RAPH1: variants seen among roughly 807,000 people sequenced by gnomAD.
RAPH1 encodes the protein ras-associated and pleckstrin homology domains-containing protein 1.
A neutral mutation model predicts 88.1 loss-of-function variants in RAPH1; 18 were observed. The observed-to-expected ratio is 0.20, with a 90% confidence interval of 0.14 to 0.30. RAPH1 has a LOEUF of 0.30. Ranked by LOEUF, RAPH1 falls within the 10% of genes least tolerant of loss-of-function variation. The probability of loss-of-function intolerance (pLI) is 1.00; values close to 1 mark genes in which losing one functional copy is unlikely to be tolerated. For missense variants in RAPH1, 1,448 were observed against 1,543.2 expected, an observed-to-expected ratio of 0.94 and a Z score of 1.03; for synonymous variants, 587 against 559.0, an observed-to-expected ratio of 1.05 and a Z score of -0.71.
intron 12 of RAPH1, chr2:203,445,295 T>C: frequency 3.3e-6 from 1 of 301,484 alleles, no homozygotes; most frequent in East Asian, 6.1e-5. Flanking sequence ...CACCCAGTCT[T>C]GCATGAAATC....
rs1041340807 is a variant in RAPH1, at chr2:203,434,254, T to C, written c.*5183A>G. The C allele has an allele frequency of 6.6e-6, 1 of 152,352 alleles. No homozygotes were observed. The highest frequency in any genetic ancestry group is 2.4e-5 in the African/African-American group (1 of 41,208). 9.4% of individuals were successfully genotyped at this position (152,352 alleles called of 1,614,324 possible). A position where few individuals can be genotyped will look rare whatever the true frequency, so the allele number is the denominator to read the frequency against. Reference sequence around the variant, plus strand: ...GTACATTATAATGAAGTTCCTTGTCTTCTTCATGCTTTAAAAAAGTATACT... The same window carrying C: ...GTACATTATAATGAAGTTCCTTGTCCTCTTCATGCTTTAAAAAAGTATACT... On this transcript the variant is annotated 3_prime_UTR_variant, in exon 14 of 14. Transcript: ENST00000319170.
At chr2:203,526,054 C>T (rs1190898150) in intron 1 of RAPH1, among the ~76,000 whole-genome samples, 1 of 152,114 alleles carries the variant, frequency 6.6e-6, no homozygotes, top group Non-Finnish European at 1.5e-5. Context: ...TACTCAATTA[C>T]TAAGTTAAAT....
chr2:203,527,237 T>C (rs575371547), intron 1 of RAPH1, among the ~76,000 whole-genome samples: 2 of 152,158 alleles, frequency 1.3e-5, no homozygotes, highest in Non-Finnish European at 2.9e-5. Flanking sequence ...CACATGTATT[T>C]TATATATAAT....
intron 1 of RAPH1, among the ~76,000 whole-genome samples, chr2:203,519,534 T>A (rs563121074): frequency 6.6e-6 from 1 of 152,188 alleles, no homozygotes; most frequent in South Asian, 2.1e-4. Flanking sequence ...ACCCCACAAT[T>A]AACATAACAC....
Position 203,445,006 on chromosome 2 carries a change from A to C in RAPH1, c.1638T>G (p.Ser546=). The change falls in exon 13 of 14, where the codon TCT becomes TCG. Residue 546 remains serine (S), a synonymous_variant. Coordinates refer to ENST00000319170, the MANE Select transcript of RAPH1 (RefSeq NM_213589.3). ...CAGACTGATTGGAGTGGTTTGACTGAGACTCTGTTTAAAATAGTTTTTTAA... is the reference window on the plus strand; with the variant it reads ...CAGACTGATTGGAGTGGTTTGACTGCGACTCTGTTTAAAATAGTTTTTTAA... ...SGSSSSSIPE[S]QSNHSNQSDS... The C allele has an allele frequency of 6.2e-7, 1 of 1,611,864 alleles. No homozygotes were observed. The highest frequency in any genetic ancestry group is 8.5e-7 in the Non-Finnish European group (1 of 1,179,462).
chr2:203,517,172 A>C (rs1381959621), intron 1 of RAPH1, among the ~76,000 whole-genome samples: 1 of 152,080 alleles, frequency 6.6e-6, no homozygotes, highest in Non-Finnish European at 1.5e-5. Context: ...AGAGAAAAAT[A>C]TGCCATCCTA....
intron 4 of RAPH1, among the ~76,000 whole-genome samples, chr2:203,467,736 T>C (rs1268072654): frequency 3.3e-5 from 5 of 152,152 alleles, no homozygotes; most frequent in East Asian, 3.9e-4. Flanking sequence ...TCCCTATGTA[T>C]ACCAAGGAAT....
At chr2:203,459,751 C>T (rs1470816076) in intron 7 of RAPH1, among the ~76,000 whole-genome samples, 156 bp downstream of exon 7, 1 of 152,178 alleles carries the variant, frequency 6.6e-6, no homozygotes, top group African/African-American at 2.4e-5. Flanking sequence ...TCAGCAGCAG[C>T]AGCAGCAGCA....
rs551087599 is a variant in RAPH1 at position 203,451,361 on chromosome 2, C to T, written c.1414-2525G>A. Among the ~76,000 whole-genome samples the T allele has an allele frequency of 2.0e-5, 3 of 152,232 alleles. No individual in the cohort carries two copies. The South Asian group carries it at 6.2e-4, about 32-fold the overall frequency. ...AAGGCACAGAGTAAGGTTAAAACAG[C>T]GCTCAAAATTGCTTCCGATAAGTGA... On this transcript the variant is annotated intron_variant, in intron 10 of 13. Coordinates refer to ENST00000319170, the MANE Select transcript of RAPH1 (RefSeq NM_213589.3).
chr2:203,464,179 T>C (rs551101770), intron 4 of RAPH1, among the ~76,000 whole-genome samples: 83 of 152,372 alleles, frequency 5.4e-4, no homozygotes, highest in Middle Eastern at 3.4e-3. Context: ...ATTTGCAGGT[T>C]TCACTTCATA....
chr2:203,440,650 C>T lies in RAPH1; in HGVS notation c.2540G>A (p.Cys847Tyr). Residue 847 changes from cysteine to tyrosine, a missense_variant, in exon 14 of 14, where the codon TGT (cysteine) becomes TAT (tyrosine). This residue lies in a region of RAPH1 where 935 missense variants were observed against 890.1 expected (regional missense o/e 1.05). Coordinates refer to ENST00000319170, the MANE Select transcript of RAPH1 (RefSeq NM_213589.3). ...PPTLPKQQSFCAKPPPSPLSP... is the reference protein window; with the variant it reads ...PPTLPKQQSFYAKPPPSPLSP... ...CAGTGGAGAGGGAGGGGGTTTTGCA[C>T]AGAAGCTCTGTTGCTTGGGTAATGT... The T allele has an allele frequency of 6.5e-7, 1 of 1,534,530 alleles. No individual in the cohort carries two copies. The highest frequency in any genetic ancestry group is 8.8e-7 in the Non-Finnish European group (1 of 1,141,610).
At chr2:203,492,406 G>T (rs1688309627) in intron 2 of RAPH1, among the ~76,000 whole-genome samples, 1 of 152,204 alleles carries the variant, frequency 6.6e-6, no homozygotes, top group South Asian at 2.1e-4. Context: ...TTAATGGAAA[G>T]TGATTACAAG....
At chr2:203,533,331 C>T (rs1690472148) in intron 1 of RAPH1, 1 of 152,082 alleles carries the variant, frequency 6.6e-6, no homozygotes, top group Non-Finnish European at 1.5e-5. Flanking sequence ...AATGTCTAAC[C>T]CAAAAAATCA....
chr2:203,463,363 CA>C, intron 4 of RAPH1, among the ~76,000 whole-genome samples: 1 of 152,078 alleles, frequency 6.6e-6, no homozygotes, highest in Non-Finnish European at 1.5e-5. Flanking sequence ...GCTTCCAGGG[CA>C]AAAAACAAAA....
At chr2:203,479,884 A>G (rs1338692438) in intron 4 of RAPH1, among the ~76,000 whole-genome samples, 2 of 152,232 alleles carry the variant, frequency 1.3e-5, no homozygotes, top group Non-Finnish European at 2.9e-5. Context: ...AAAAAATATT[A>G]TCTGCTCCAA....
At chr2:203,467,829 G>A (rs2098529848) in intron 4 of RAPH1, among the ~76,000 whole-genome samples, 1 of 151,898 alleles carries the variant, frequency 6.6e-6, no homozygotes, top group Admixed American at 6.6e-5. Context: ...GTGCAGTGGT[G>A]TGATCATGGC....
chr2:203,478,713 T>G (rs1172417075), intron 4 of RAPH1, among the ~76,000 whole-genome samples: 1 of 152,136 alleles, frequency 6.6e-6, no homozygotes, highest in Non-Finnish European at 1.5e-5. Flanking sequence ...GGCCTTGAAC[T>G]CCTGACCTCA....
Position 203,516,685 on chromosome 2 carries a change from T to C in RAPH1, c.-1+18426A>G, listed in dbSNP as rs141996593. On this transcript the variant is annotated intron_variant, in intron 1 of 13. Coordinates refer to ENST00000319170, the MANE Select transcript of RAPH1 (RefSeq NM_213589.3). Reference sequence around the variant, plus strand: ...AAGCAGAGGTTTCAGTGAGCTGAGATAGCACCACTGCACTCCAGCCCAGAC... The same window carrying C: ...AAGCAGAGGTTTCAGTGAGCTGAGACAGCACCACTGCACTCCAGCCCAGAC... Among the ~76,000 whole-genome samples, 938 of 152,090 alleles carry C rather than the reference T, an allele frequency of 6.2e-3. 14 individuals carry two copies. The highest frequency in any genetic ancestry group is 0.022 in the African/African-American group (897 of 41,486).
chr2:203,486,223 C>A (rs1687965107), intron 4 of RAPH1, among the ~76,000 whole-genome samples: 1 of 151,930 alleles, frequency 6.6e-6, no homozygotes, highest in Non-Finnish European at 1.5e-5. Flanking sequence ...ACAGTGATCA[C>A]CATATAGAAA....
Sources: gnomAD v4.1 joint callset for allele counts (sites outside exome capture counted in the v4.1 genomes callset) on GRCh38, gnomAD v4.1.1 for gene constraint, gnomAD v4.1.1 regional missense constraint, MANE v1.5 for transcripts, NCBI Gene and HGNC (gene_info 2026-07-23, HGNC 2026-07-21) for gene names.